Variants in VRK3 observed in about 807,000 individuals in gnomAD.
The protein encoded by VRK3 is serine/threonine-protein kinase VRK3.
In VRK3, 50 loss-of-function variants were observed where a neutral mutation model predicts 60.4. That is an observed-to-expected ratio of 0.83 (90% confidence interval 0.66 to 1.05). The LOEUF (loss-of-function observed/expected upper bound fraction) is 1.05. Ranked by LOEUF, VRK3 falls within the 50% of genes least tolerant of loss-of-function variation. The pLI is 0.00. For missense variants in VRK3, 549 were observed against 585.3 expected, an observed-to-expected ratio of 0.94 and a Z score of 0.64; for synonymous variants, 246 against 227.8, an observed-to-expected ratio of 1.08 and a Z score of -0.72.
intron 7 of VRK3, among the ~76,000 whole-genome samples, chr19:49,995,928 T>A (rs1028297395): frequency 1.3e-5 from 2 of 152,038 alleles, no homozygotes; most frequent in African/African-American, 4.8e-5. Flanking sequence ...TTTTTTTATT[T>A]TTTATTTTTT....
At chr19:50,013,642 C>G (rs1037565281) in intron 3 of VRK3, among the ~76,000 whole-genome samples, 2 of 152,162 alleles carry the variant, frequency 1.3e-5, no homozygotes, top group African/African-American at 2.4e-5. Context: ...GTGAGCAAGA[C>G]CTACTACTGA....
chr19:49,988,774 G>A (rs550323634), intron 11 of VRK3, among the ~76,000 whole-genome samples: 37 of 152,234 alleles, frequency 2.4e-4, no homozygotes, highest in East Asian at 1.4e-3. Context: ...CTCAGCACCC[G>A]TGTGCCAGGC....
chr19:50,025,273 A>G lies in VRK3; in HGVS notation c.-71T>C, dbSNP rs1357638391. 1 of 152,230 alleles carries G rather than the reference A, an allele frequency of 6.6e-6. No homozygotes were observed. Among genetic ancestry groups the G allele is most frequent in the Non-Finnish European group, 1.5e-5 (1 of 68,080 alleles). The allele number at this position is 152,230 out of a possible 1,614,324, so 9.4% of individuals were successfully genotyped here. A position where few individuals can be genotyped will look rare whatever the true frequency, so the allele number is the denominator to read the frequency against. On this transcript the variant is annotated 5_prime_UTR_variant, in exon 1 of 15. Transcript: ENST00000316763. Reference sequence around the variant, plus strand: ...TCGCCTCGCTTCCCCTCACCTCTGTACTTGGGGACTGGGGTGGGATTCTGG... The same window carrying G: ...TCGCCTCGCTTCCCCTCACCTCTGTGCTTGGGGACTGGGGTGGGATTCTGG...
intron 5 of VRK3, among the ~76,000 whole-genome samples, chr19:50,004,896 C>A (rs570058356): frequency 9.7e-4 from 147 of 151,592 alleles, no homozygotes; most frequent in African/African-American, 3.5e-3. Flanking sequence ...GGTGATGGAG[C>A]GAGACTCCAT....
chr19:50,004,924 G>A (rs2076869832), intron 5 of VRK3, among the ~76,000 whole-genome samples: 2 of 149,242 alleles, frequency 1.3e-5, no homozygotes, highest in Admixed American at 6.6e-5. Context: ...AAATAAAAGT[G>A]CTGGCACAGG....
At chr19:49,988,535 T>C (rs2076556771) in intron 11 of VRK3, 43 bp from the exon 12 acceptor site, 2 of 1,601,106 alleles carry the variant, frequency 1.2e-6, no homozygotes, top group African/African-American at 1.3e-5. Context: ...GTCTGGACGC[T>C]CCACTCACTG....
At chr19:49,984,724 T>G (rs1849212800) in intron 12 of VRK3, among the ~76,000 whole-genome samples, 1 of 152,074 alleles carries the variant, frequency 6.6e-6, no homozygotes, top group African/African-American at 2.4e-5. Flanking sequence ...TCCACCTCCT[T>G]GGACTCAAGT....
intron 5 of VRK3, 62 bp from the exon 6 acceptor site, chr19:50,000,916 C>A: frequency 6.6e-7 from 1 of 1,516,968 alleles, no homozygotes; most frequent in Non-Finnish European, 9.0e-7. Flanking sequence ...GTCATCATCC[C>A]CAAACTTCCC....
chr19:50,010,095 G>A (rs897862385), intron 3 of VRK3, among the ~76,000 whole-genome samples: 1 of 151,542 alleles, frequency 6.6e-6, no homozygotes, highest in Non-Finnish European at 1.5e-5. Context: ...TACAATGATT[G>A]TGTGTATATA....
intron 10 of VRK3, among the ~76,000 whole-genome samples, chr19:49,991,804 G>A (rs981902915): frequency 4.6e-5 from 7 of 152,188 alleles, no homozygotes; most frequent in African/African-American, 1.4e-4. Context: ...CAGGGTTTGA[G>A]CTCCTGGATC....
chr19:49,980,956 T>G lies in VRK3; in HGVS notation c.1275A>C (p.Ser425=). Residue 425 remains serine (S), a splice_region_variant and synonymous_variant, in exon 13 of 15, where the codon TCA becomes TCC. Transcript: ENST00000316763. Reference sequence around the variant, plus strand: ...GTTCCCGCTCCCTTCAGGACGTACCTGAGGGCCTGATCCAGTGACCGCAGG... The same window carrying G: ...GTTCCCGCTCCCTTCAGGACGTACCGGAGGGCCTGATCCAGTGACCGCAGG... ...VGPCGHWIRP[S]ETLQKYLKVV... 6.2e-7 allele frequency: 1 copy of G among 1,609,770 alleles called. No homozygotes were observed. The highest frequency in any genetic ancestry group is 1.1e-5 in the South Asian group (1 of 90,014).
intron 8 of VRK3, 84 bp from the exon 9 acceptor site, chr19:49,995,003 G>A (rs1029303329): frequency 7.3e-7 from 1 of 1,375,536 alleles, no homozygotes; most frequent in Non-Finnish European, 1.0e-6. Flanking sequence ...TGTTGCGTGG[G>A]CTGCAAGGTC....
chr19:50,007,929 C>T, intron 4 of VRK3, 103 bp from the exon 5 acceptor site: 1 of 1,502,966 alleles, frequency 6.7e-7, no homozygotes, highest in Non-Finnish European at 9.0e-7. Flanking sequence ...CAAATTCGTT[C>T]ATTCAACAAA....
chr19:50,000,779 G>A lies in VRK3; in HGVS notation c.612+11C>T. The A allele has an allele frequency of 3.1e-6, 5 of 1,611,120 alleles. No homozygotes were observed. Among genetic ancestry groups the A allele is most frequent in the Non-Finnish European group, 4.2e-6 (5 of 1,178,702 alleles). The stretch of plus-strand genomic sequence containing the variant: ...CCCTCCAAGCTGCCCCCCACCTGCA[G>A]GGTCACTTACCAGTTTGAGTGAGAA... On this transcript the variant is annotated intron_variant, in intron 6 of 14. Transcript: ENST00000316763.
intron 13 of VRK3, among the ~76,000 whole-genome samples, 160 bp downstream of exon 13, chr19:49,980,795 C>T (rs16981615): frequency 0.053 from 8,065 of 152,004 alleles, 702 homozygotes; most frequent in African/African-American, 0.18. Context: ...ACTAGTGAAT[C>T]TTTTGACGAT....
intron 3 of VRK3, among the ~76,000 whole-genome samples, chr19:50,014,512 T>G (rs891325088): frequency 2.0e-5 from 3 of 150,608 alleles, no homozygotes. Context: ...TGAGCCGAGA[T>G]GTTGCAGTGA....
intron 10 of VRK3, among the ~76,000 whole-genome samples, chr19:49,992,306 C>T (rs569254269): frequency 1.7e-4 from 26 of 152,312 alleles, no homozygotes; most frequent in Middle Eastern, 3.4e-3. Flanking sequence ...ACTCAGGAGG[C>T]TGACAGAGAA....
intron 6 of VRK3, 154 bp downstream of exon 6, chr19:50,000,636 G>A (rs2076787558): frequency 1.2e-6 from 1 of 824,150 alleles, no homozygotes; most frequent in Non-Finnish European, 1.9e-6. Flanking sequence ...GGAGAACTGG[G>A]CGCCTGCCCC....
At chr19:49,981,269 G>T (rs1417778712) in intron 12 of VRK3, 2 of 509,442 alleles carry the variant, frequency 3.9e-6, no homozygotes, top group Non-Finnish European at 7.1e-6. Flanking sequence ...TGTTTTGGCC[G>T]GGCACAGTGG....
Sources: gnomAD v4.1 joint callset for allele counts (sites outside exome capture counted in the v4.1 genomes callset) on GRCh38, gnomAD v4.1.1 for gene constraint, MANE v1.5 for transcripts, NCBI Gene and HGNC (gene_info 2026-07-23, HGNC 2026-07-21) for gene names.